MTTP: variants seen among roughly 807,000 people sequenced by gnomAD.
MTTP encodes microsomal triglyceride transfer protein large subunit.
In MTTP, 49 loss-of-function variants were observed where a neutral mutation model predicts 90.6. That is an observed-to-expected ratio of 0.54 (90% CI 0.43 to 0.69). The LOEUF (loss-of-function observed/expected upper bound fraction) is 0.69. Among genes scored for constraint, MTTP ranks in the 30% least tolerant of loss-of-function variants. MTTP has a pLI of 0.00. For missense variants in MTTP, 945 were observed against 1,067.5 expected, an observed-to-expected ratio of 0.89 and a Z score of 1.60; for synonymous variants, 347 against 384.2, an observed-to-expected ratio of 0.90 and a Z score of 1.13.
intron 15 of MTTP, among the ~76,000 whole-genome samples, chr4:99,617,771 G>A (rs1411261266): frequency 6.6e-6 from 1 of 152,054 alleles, no homozygotes; most frequent in East Asian, 1.9e-4. Context: ...CAAAACAATG[G>A]GTTTCAGACA....
At chr4:99,565,997 A>G (rs1054496460) in intron 1 of MTTP, among the ~76,000 whole-genome samples, 9 of 152,192 alleles carry the variant, frequency 5.9e-5, no homozygotes, top group African/African-American at 1.9e-4. Context: ...TGGAAGAAAA[A>G]TAGGTTTTGA....
chr4:99,578,739 A>G (rs539222073), intron 1 of MTTP, among the ~76,000 whole-genome samples: 1 of 152,346 alleles, frequency 6.6e-6, no homozygotes, highest in South Asian at 2.1e-4. Context: ...ACACCTTAAT[A>G]TAGTCCACAG....
intron 6 of MTTP, among the ~76,000 whole-genome samples, chr4:99,593,120 G>A (rs1314263548): frequency 6.6e-6 from 1 of 152,094 alleles, no homozygotes; most frequent in Non-Finnish European, 1.5e-5. Context: ...TGTATTTATT[G>A]TGCTTCCTCA....
chr4:99,565,293 T>G (rs1724649149), intron 1 of MTTP, among the ~76,000 whole-genome samples: 1 of 152,136 alleles, frequency 6.6e-6, no homozygotes, highest in African/African-American at 2.4e-5. Context: ...TTAAACAAAG[T>G]TTTAAAGCAA....
upstream of MTTP, among the ~76,000 whole-genome samples, chr4:99,572,190 C>G (rs1724855265): frequency 6.6e-6 from 1 of 151,930 alleles, no homozygotes; most frequent in South Asian, 2.1e-4. Flanking sequence ...GCAAATATTT[C>G]ACAGTGTCAT....
At chr4:99,602,610 A>G (rs1415763139) in intron 10 of MTTP, among the ~76,000 whole-genome samples, 3 of 152,158 alleles carry the variant, frequency 2.0e-5, no homozygotes, top group Non-Finnish European at 4.4e-5. Flanking sequence ...TAAGTATGAA[A>G]AAGATCACTA....
chr4:99,622,408 G>C (rs537320284), intron 17 of MTTP, among the ~76,000 whole-genome samples: 2 of 152,282 alleles, frequency 1.3e-5, no homozygotes, highest in South Asian at 2.1e-4. Context: ...AAGCTTAATG[G>C]CATCACCAAA....
At chr4:99,591,590 A>G in intron 5 of MTTP, 61 bp from the exon 6 acceptor site, 5 of 1,550,658 alleles carry the variant, frequency 3.2e-6, no homozygotes, top group South Asian at 2.3e-5. Context: ...TTGCTATTTG[A>G]CTTGATTCAA....
chr4:99,577,605 C>CA (rs10605949), intron 1 of MTTP, among the ~76,000 whole-genome samples: 9,378 of 100,902 alleles, frequency 0.093, 530 homozygotes, highest in Non-Finnish European at 0.13. Context: ...AACTCTGTTT[C>CA]AAAAAAAAAA....
intron 10 of MTTP, among the ~76,000 whole-genome samples, chr4:99,603,254 GA>G (rs1252530047): frequency 4.6e-5 from 7 of 152,112 alleles, no homozygotes; most frequent in African/African-American, 1.7e-4. Flanking sequence ...GGAAAGATGG[GA>G]AAAGAGATGG....
In MTTP at chr4:99,574,847, A is replaced by G. The variant is rs1432319624; in HGVS notation, c.-63A>G. 1 of 1,613,914 alleles carries G rather than the reference A, an allele frequency of 6.2e-7. No homozygotes were observed. Among genetic ancestry groups the G allele is most frequent in the East Asian group, 2.2e-5 (1 of 44,872 alleles). ...TCACTCCCTCACTGGCTGCCATTGA[A>G]AGAGTCCACTTCTCAGTGACTCCTA... On this transcript the variant is annotated 5_prime_UTR_variant, in exon 1 of 18. Coordinates refer to ENST00000265517, the MANE Select transcript of MTTP (RefSeq NM_001386140.1).
chr4:99,609,132 G>C (rs1422456585), intron 12 of MTTP, among the ~76,000 whole-genome samples, 155 bp downstream of exon 12: 1 of 152,124 alleles, frequency 6.6e-6, no homozygotes, highest in African/African-American at 2.4e-5. Context: ...GCTATTTAGG[G>C]GGCCAGATGA....
intron 15 of MTTP, among the ~76,000 whole-genome samples, chr4:99,618,049 C>A (rs1726140223): frequency 6.6e-6 from 1 of 151,836 alleles, no homozygotes; most frequent in African/African-American, 2.4e-5. Flanking sequence ...AAAAAAAACA[C>A]CAAACAATAA....
At chr4:99,589,033 A>ATATATATGTTCATATATATATT in intron 3 of MTTP, among the ~76,000 whole-genome samples, 1 of 670 alleles carries the variant, frequency 1.5e-3, no homozygotes, top group Admixed American at 0.019. Context: ...ATATATATAC[A>ATATATATGTTCATATATATATT]CACATATATA....
At chr4:99,581,853 C>T (rs1345184544) in intron 1 of MTTP, 52 bp from the exon 2 acceptor site, 1 of 1,578,276 alleles carries the variant, frequency 6.3e-7, no homozygotes, top group Non-Finnish European at 8.7e-7. Flanking sequence ...GATGGTGAGA[C>T]AGCATGTTCC....
chr4:99,598,971 CTTTTATATTT>C (rs1368672601), intron 8 of MTTP, among the ~76,000 whole-genome samples: 2 of 152,170 alleles, frequency 1.3e-5, no homozygotes, highest in Admixed American at 6.6e-5. Context: ...CCAAGGAAGT[CTTTTATATTT>C]AGCTTCTCTG....
At chr4:99,610,934 C>A (rs990883229) in intron 12 of MTTP, among the ~76,000 whole-genome samples, 2 of 152,118 alleles carry the variant, frequency 1.3e-5, no homozygotes, top group Non-Finnish European at 2.9e-5. Context: ...CATTTTGATA[C>A]CAAACTAAAT....
In MTTP at chr4:99,583,881, G is replaced by T. The variant is rs540196512; in HGVS notation, c.393+364G>T. On this transcript the variant is annotated intron_variant, in intron 3 of 17. Coordinates refer to ENST00000265517, the MANE Select transcript of MTTP (RefSeq NM_001386140.1). The stretch of plus-strand genomic sequence containing the variant: ...ATGATTGGATGAATTCAGGAAAGGA[G>T]ACAAATTATGAGACTGAAATGATCC... 2.5e-5 allele frequency: 10 copies of T among 395,876 alleles called. No individual in the cohort carries two copies. In the East Asian group the frequency reaches 4.7e-4, roughly 19 times the overall value. The allele number at this position is 395,876 out of a possible 1,614,324, so 24.5% of individuals were successfully genotyped here. A position where few individuals can be genotyped will look rare whatever the true frequency, so the allele number is the denominator to read the frequency against.
At chr4:99,579,720 G>A (rs763230968) in intron 1 of MTTP, among the ~76,000 whole-genome samples, 2 of 152,014 alleles carry the variant, frequency 1.3e-5, no homozygotes, top group East Asian at 1.9e-4. Context: ...TTTACAAAGG[G>A]TATTAAATTT....
Sources: allele counts gnomAD v4.1 joint callset (sites outside exome capture counted in the v4.1 genomes callset), GRCh38; gene constraint gnomAD v4.1.1; transcripts MANE v1.5; gene names NCBI Gene and HGNC (gene_info 2026-07-23, HGNC 2026-07-21).